Variants in USP9X observed in about 807,000 individuals in gnomAD.
USP9X encodes ubiquitin carboxyl-terminal hydrolase 9X.
USP9X carries 7 observed loss-of-function variants against 190.3 expected under a neutral mutation model. The ratio of observed to expected loss-of-function variants is 0.04; its 90% CI spans 0.02 to 0.07. USP9X has a LOEUF of 0.07. Ranked by LOEUF, USP9X falls within the 10% of genes least tolerant of loss-of-function variation. The pLI, the probability that USP9X is intolerant of heterozygous loss-of-function variation, is 1.00. For missense variants in USP9X, 1,010 were observed against 1,916.9 expected (o/e 0.53, Z 8.83); for synonymous variants, 645 against 659.5 (o/e 0.98, Z 0.34).
chrX:41,165,842 C>T (rs1436641346), intron 15 of USP9X, 30 bp from the exon 16 acceptor site: 1 of 1,170,692 alleles, frequency 8.5e-7, no homozygotes, highest in Non-Finnish European at 1.2e-6. Context: ...TTACATAAAT[C>T]TAATTGCCAA....
At chrX:41,097,939 T>A (rs2062004395) in intron 1 of USP9X, among the ~76,000 whole-genome samples, 1 of 111,853 alleles carries the variant, frequency 8.9e-6, no homozygotes, top group Non-Finnish European at 1.9e-5. Flanking sequence ...GAGTGGCTTA[T>A]CTACTGTAAA....
rs190352849 is a variant in USP9X at position 41,182,758 on chromosome X, G to C, written c.3149-1240G>C. On this transcript the variant is annotated intron_variant, in intron 21 of 44. Coordinates refer to ENST00000378308, the MANE Select transcript of USP9X (RefSeq NM_001039591.3). Reference sequence around the variant, plus strand: ...AAAATGATATAGATGAATATTCAATGACACGAGAAGATATTTATAAATATT... The same window carrying C: ...AAAATGATATAGATGAATATTCAATCACACGAGAAGATATTTATAAATATT... 4.7e-3 allele frequency among the ~76,000 whole-genome samples: 520 copies of C among 110,313 alleles called. 3 individuals carry two copies. The highest frequency in any genetic ancestry group is 0.016 in the African/African-American group (478 of 30,410).
At chrX:41,220,679 C>T (rs1421924014) in intron 38 of USP9X, among the ~76,000 whole-genome samples, 3 of 112,252 alleles carry the variant, frequency 2.7e-5, no homozygotes, top group Non-Finnish European at 5.6e-5. Flanking sequence ...TTGGGCTGGG[C>T]GAGGTGGCTC....
At chrX:41,211,509 T>C (rs2063157183) in intron 33 of USP9X, among the ~76,000 whole-genome samples, 1 of 113,612 alleles carries the variant, frequency 8.8e-6, no homozygotes, top group Non-Finnish European at 1.9e-5. Context: ...TGTCATTATC[T>C]TTAAGGTATA....
At chrX:41,215,223 CTT>C (rs1252188669) in intron 34 of USP9X, among the ~76,000 whole-genome samples, 1 of 112,794 alleles carries the variant, frequency 8.9e-6, no homozygotes, top group African/African-American at 3.2e-5. Context: ...ATTTTGGAAA[CTT>C]ATTAGCAGTT....
chrX:41,198,516 TCAAC>T lies in USP9X; in HGVS notation c.4381-11_4381-8del, dbSNP rs1179186008. The T allele has an allele frequency of 6.8e-6, 8 of 1,183,865 alleles. No individual in the cohort carries two copies. Among genetic ancestry groups the T allele is most frequent in the Admixed American group, 6.7e-5 (3 of 44,760 alleles). ...GCATTGCTAATATGTAATCCCTTTT[TCAAC>T]TTTTTAGGAATTAATTGATGATTTC... On this transcript the variant is annotated splice_region_variant and splice_polypyrimidine_tract_variant and intron_variant, in intron 29 of 44. Transcript: ENST00000378308.
intron 21 of USP9X, among the ~76,000 whole-genome samples, chrX:41,174,152 C>T (rs1344036866): frequency 8.9e-6 from 1 of 111,960 alleles, no homozygotes; most frequent in Non-Finnish European, 1.9e-5. Context: ...TGTAAACACA[C>T]CCTATGATGT....
rs758746937 is a variant in USP9X at position 41,153,008 on chromosome X, C to T, written c.1824C>T (p.His608=). 5.8e-6 allele frequency: 7 copies of T among 1,208,996 alleles called. No homozygotes were observed. Among genetic ancestry groups the T allele is most frequent in the Non-Finnish European group, 7.8e-6 (7 of 894,522 alleles). ...YRHDLINQLQ[H]NHALVTLVAE... The stretch of plus-strand genomic sequence containing the variant: ...ATGACTTAATCAATCAACTTCAACA[C>T]AATCATGCCCTAGTTACTTTGGTAG... Residue 608 remains histidine, a synonymous_variant, in exon 14 of 45, where the codon CAC becomes CAT. Transcript: ENST00000378308.
intron 23 of USP9X, among the ~76,000 whole-genome samples, chrX:41,186,153 G>T: frequency 1.8e-5 from 2 of 110,353 alleles, no homozygotes; most frequent in Admixed American, 1.9e-4. Context: ...TAACAATGGG[G>T]AATACAAGCA....
intron 21 of USP9X, 48 bp from the exon 22 acceptor site, chrX:41,183,950 T>C: frequency 8.6e-7 from 1 of 1,169,509 alleles, no homozygotes; most frequent in Non-Finnish European, 1.1e-6. Flanking sequence ...GTTAAATATG[T>C]ATGAACACAT....
chrX:41,196,902 TTC>T (rs1354611008), intron 28 of USP9X, among the ~76,000 whole-genome samples, 164 bp downstream of exon 28: 1 of 112,439 alleles, frequency 8.9e-6, no homozygotes, highest in Non-Finnish European at 1.9e-5. Context: ...TAATCTGTGA[TTC>T]ACAAAATGCA....
At chrX:41,206,314 G>A (rs912597517) in intron 32 of USP9X, among the ~76,000 whole-genome samples, 1 of 111,574 alleles carries the variant, frequency 9.0e-6, no homozygotes, top group African/African-American at 3.3e-5. Context: ...TTTTAAAATT[G>A]CTTAATATCA....
chrX:41,127,264 C>T (rs1326429518), intron 2 of USP9X, among the ~76,000 whole-genome samples: 1 of 110,990 alleles, frequency 9.0e-6, no homozygotes, highest in Non-Finnish European at 1.9e-5. Context: ...TATTATCTGG[C>T]CATTAATATT....
intron 17 of USP9X, 38 bp from the exon 18 acceptor site, chrX:41,167,969 G>A (rs1172204761): frequency 8.8e-7 from 1 of 1,134,083 alleles, no homozygotes; most frequent in East Asian, 3.1e-5. Context: ...ACATTTTAAA[G>A]CAATTTTAAC....
chrX:41,195,812 A>C, intron 26 of USP9X: 4 of 280,455 alleles, frequency 1.4e-5, no homozygotes, highest in Non-Finnish European at 2.7e-5. Context: ...GGGTTTGGGG[A>C]CCCCTGGTGT....
At chrX:41,211,761 G>T (rs756466019) in intron 33 of USP9X, among the ~76,000 whole-genome samples, 1 of 108,674 alleles carries the variant, frequency 9.2e-6, no homozygotes, top group Admixed American at 9.5e-5. Context: ...GAGGTGAGGG[G>T]TGCCTCTGCC....
Position 41,234,219 on chromosome X carries a change from G to C in USP9X, c.*1695G>C, listed in dbSNP as rs2063385067. On this transcript the variant is annotated 3_prime_UTR_variant, in exon 45 of 45. Transcript: ENST00000378308. ...AAATCAGGATGTTGACACTGTAAAA[G>C]TTTCCTAACATAATCTTGTACTTTT... 9.0e-6 allele frequency: 1 copy of C among 111,211 alleles called. No individual in the cohort carries two copies. Among genetic ancestry groups the C allele is most frequent in the South Asian group, 3.7e-4 (1 of 2,669 alleles). 9.2% of individuals were successfully genotyped at this position (111,211 alleles called of 1,213,427 possible). A position where few individuals can be genotyped will look rare whatever the true frequency, so the allele number is the denominator to read the frequency against.
chrX:41,212,708 C>T (rs1370629649), intron 33 of USP9X, among the ~76,000 whole-genome samples: 1 of 111,247 alleles, frequency 9.0e-6, no homozygotes, highest in Non-Finnish European at 1.9e-5. Flanking sequence ...GTATTTTCTA[C>T]AATCCAAACT....
At chrX:41,186,449 A>G in intron 23 of USP9X, 68 bp from the exon 24 acceptor site, 1 of 1,143,528 alleles carries the variant, frequency 8.7e-7, no homozygotes, top group Non-Finnish European at 1.2e-6. Flanking sequence ...TGATGAATGA[A>G]GAGCAATTGG....
Sources: allele counts gnomAD v4.1 joint callset (sites outside exome capture counted in the v4.1 genomes callset), GRCh38; gene constraint gnomAD v4.1.1; transcripts MANE v1.5; gene names NCBI Gene and HGNC (gene_info 2026-07-23, HGNC 2026-07-21).